Variants in TTI1 observed in about 807,000 individuals in gnomAD.
TTI1 encodes TELO2 interacting protein 1, also known as TELO2-interacting protein 1 homolog.
Under a neutral mutation model 85.4 loss-of-function variants are expected in TTI1, and 52 were observed. The ratio of observed to expected loss-of-function variants is 0.61; its 90% CI spans 0.49 to 0.77. TTI1 has a LOEUF of 0.77. Ranked by LOEUF, TTI1 falls within the 30% of genes least tolerant of loss-of-function variation. The pLI is 0.00. For synonymous variants in TTI1, 512 were observed against 503.9 expected, an observed-to-expected ratio of 1.02 and a Z score of -0.22; for missense variants, 1,173 against 1,296.0, an observed-to-expected ratio of 0.91 and a Z score of 1.46.
At chr20:37,994,198 G>T (rs1047312778) in intron 7 of TTI1, among the ~76,000 whole-genome samples, 23 of 152,110 alleles carry the variant, frequency 1.5e-4, no homozygotes, top group Non-Finnish European at 3.1e-4. Flanking sequence ...CAGTGGTGCG[G>T]TCTTGGCTCA....
intron 1 of TTI1, among the ~76,000 whole-genome samples, chr20:38,014,212 A>G (rs1600641804): frequency 6.6e-6 from 1 of 152,306 alleles, no homozygotes; most frequent in African/African-American, 2.4e-5. Context: ...AACCTTCAGG[A>G]GTTTGGATTT....
At chr20:38,029,989 T>G (rs1225669089) in intron 1 of TTI1, among the ~76,000 whole-genome samples, 2 of 152,156 alleles carry the variant, frequency 1.3e-5, no homozygotes, top group African/African-American at 4.8e-5. Context: ...ACATCCTTTT[T>G]CTTTATAAAT....
rs543071064 is a variant in TTI1 at position 37,987,015 on chromosome 20, T to C, written c.3087-3376A>G. On this transcript the variant is annotated intron_variant, in intron 7 of 7. Transcript: ENST00000373447. ...TGCCTGAGGTGGGGAGCAAATGCCATGCCATGCAACCAGATGGCTGGCAAG... is the reference window on the plus strand; with the variant it reads ...TGCCTGAGGTGGGGAGCAAATGCCACGCCATGCAACCAGATGGCTGGCAAG... 878 of 371,150 alleles carry C rather than the reference T, an allele frequency of 2.4e-3. 15 individuals are homozygous for C. Among genetic ancestry groups the C allele is most frequent in the South Asian group, 0.017 (849 of 50,008 alleles). 23.0% of individuals were successfully genotyped at this position (371,150 alleles called of 1,614,324 possible).
chr20:38,013,990 T>C lies in TTI1; in HGVS notation c.-41-133A>G, dbSNP rs564778459. The C allele has an allele frequency of 4.4e-5, 37 of 835,462 alleles. No individual in the cohort carries two copies. The East Asian group carries it at 9.9e-4, about 22-fold the overall frequency. The allele number at this position is 835,462 out of a possible 1,614,324, so 51.8% of individuals were successfully genotyped here. A position where few individuals can be genotyped will look rare whatever the true frequency, so the allele number is the denominator to read the frequency against. On this transcript the variant is annotated intron_variant, in intron 1 of 7. Transcript: ENST00000373447. The stretch of plus-strand genomic sequence containing the variant: ...ACTGCACAAGGCACTAGGGGTGCAA[T>C]GAAACTGAGCCCCCTGTCTAGTGAG...
At chr20:37,995,203 T>C (rs574576955) in intron 7 of TTI1, among the ~76,000 whole-genome samples, 85 of 152,214 alleles carry the variant, frequency 5.6e-4, no homozygotes, top group African/African-American at 1.9e-3. Context: ...AAACTATGAC[T>C]GATTCTGGGA....
intron 1 of TTI1, among the ~76,000 whole-genome samples, chr20:38,018,846 C>T (rs1281489442): frequency 1.3e-5 from 2 of 150,846 alleles, no homozygotes; most frequent in African/African-American, 2.4e-5. Flanking sequence ...ATAAAAACAA[C>T]ATCTTTCAAT....
At chr20:38,007,148 A>G (rs1198912390) in intron 2 of TTI1, among the ~76,000 whole-genome samples, 1 of 152,288 alleles carries the variant, frequency 6.6e-6, no homozygotes, top group East Asian at 1.9e-4. Context: ...GAAAAAATAC[A>G]CAAGACTGGC....
At position 38,011,859 on chromosome 20, in the gene TTI1, AGGGCTGACAT is replaced by A; in HGVS notation, c.1948_1957del (p.Met650PhefsTer23). On this transcript the variant is annotated frameshift_variant, in exon 2 of 8. Transcript: ENST00000373447. LOFTEE classifies it high-confidence loss of function. ...TCCAGCCTTCTCCAGTACTGGATAA[AGGGCTGACAT>A]CAAGAGCAAACAGAAGTCTTTTCCT... is the stretch of plus-strand genomic sequence containing the variant. 1 of 1,614,224 alleles carries A rather than the reference AGGGCTGACAT, an allele frequency of 6.2e-7. No individual in the cohort carries two copies. The highest frequency in any genetic ancestry group is 8.5e-7 in the Non-Finnish European group (1 of 1,180,044).
intron 1 of TTI1, among the ~76,000 whole-genome samples, chr20:38,020,300 C>T (rs2073743609): frequency 1.4e-5 from 1 of 71,108 alleles, no homozygotes; most frequent in Non-Finnish European, 2.5e-5. Flanking sequence ...TGTCACTTGG[C>T]TACTCATATG....
intron 7 of TTI1, among the ~76,000 whole-genome samples, chr20:37,986,764 G>A (rs954045119): frequency 1.4e-4 from 21 of 152,198 alleles, no homozygotes; most frequent in Admixed American, 1.3e-3. Context: ...GAGAGAGAGA[G>A]GGACACAGAG....
intron 7 of TTI1, among the ~76,000 whole-genome samples, chr20:37,987,939 G>A (rs538531403): frequency 5.3e-5 from 8 of 152,290 alleles, no homozygotes. Context: ...AGCTGGGGGC[G>A]AGGAGGTGGG....
intron 2 of TTI1, among the ~76,000 whole-genome samples, chr20:38,010,747 A>G (rs909100269): frequency 6.6e-6 from 1 of 151,990 alleles, no homozygotes. Context: ...AAGTGCTGGG[A>G]TTACAGGCAT....
At chr20:37,989,583 C>G (rs906653355) in intron 7 of TTI1, among the ~76,000 whole-genome samples, 4 of 152,342 alleles carry the variant, frequency 2.6e-5, no homozygotes, top group Non-Finnish European at 1.5e-5. Context: ...AGGAACCCTG[C>G]AAGCCTAGAT....
rs555863583 is a variant in TTI1, at chr20:38,013,477, C to T, written c.340G>A (p.Ala114Thr). 8 of 1,614,022 alleles carry T rather than the reference C, an allele frequency of 5.0e-6. No homozygotes were observed. In the African/African-American group the frequency reaches 1.1e-4, roughly 22 times the overall value. The change falls in exon 2 of 8, where the codon GCT (alanine) becomes ACT (threonine). Residue 114 changes from alanine to threonine, a missense_variant. By Grantham distance (58) the Ala-to-Thr change is moderately conservative. Coordinates refer to ENST00000373447, the MANE Select transcript of TTI1 (RefSeq NM_001303457.2). Reference sequence around the variant, plus strand: ...GCCAATTTCAACTCCTCGGACACAGCCGCAGGTTTTTGGGAGCTGGGTGAA... The same window carrying T: ...GCCAATTTCAACTCCTCGGACACAGTCGCAGGTTTTTGGGAGCTGGGTGAA... ...LYSPSSQKPA[A>T]VSEELKLAVI... is the part of the protein sequence containing the mutation.
intron 1 of TTI1, among the ~76,000 whole-genome samples, chr20:38,025,664 T>C (rs994651037): frequency 2.0e-5 from 3 of 151,902 alleles, no homozygotes; most frequent in African/African-American, 7.3e-5. Flanking sequence ...ATGAAGACAT[T>C]AAAACAGTAC....
chr20:37,996,702 G>A (rs2073345537), intron 6 of TTI1, 47 bp downstream of exon 6: 6 of 1,565,700 alleles, frequency 3.8e-6, no homozygotes, highest in South Asian at 1.2e-5. Flanking sequence ...GCAGGGGTGA[G>A]ACAGATGCTA....
At position 38,012,638 on chromosome 20, in the gene TTI1, A is replaced by G; in HGVS notation, c.1179T>C (p.Asp393=). 3 of 1,614,234 alleles carry G rather than the reference A, an allele frequency of 1.9e-6. No homozygotes were observed. In the South Asian group the frequency reaches 3.3e-5, roughly 18 times the overall value. The part of the protein sequence containing the change: ...TSLPRLMNSQ[D]DQGKFSTLSL... ...AAAGAGTAGAGAATTTGCCCTGGTC[A>G]TCTTGGGAGTTCATTAGGCGAGGAA... The change falls in exon 2 of 8, where the codon GAT becomes GAC. Residue 393 remains aspartate, a synonymous_variant. Coordinates refer to ENST00000373447, the MANE Select transcript of TTI1 (RefSeq NM_001303457.2).
At chr20:38,015,505 T>C (rs1205118237) in intron 1 of TTI1, among the ~76,000 whole-genome samples, 2 of 152,104 alleles carry the variant, frequency 1.3e-5, no homozygotes, top group African/African-American at 2.4e-5. Flanking sequence ...ATACTGGTAG[T>C]TGGATCAAGA....
intron 1 of TTI1, among the ~76,000 whole-genome samples, chr20:38,032,047 T>C (rs981581309): frequency 1.3e-5 from 2 of 152,226 alleles, no homozygotes; most frequent in African/African-American, 4.8e-5. Context: ...TTTAGGTTAC[T>C]CACCTCTTTT....
Sources: gnomAD v4.1 joint callset for allele counts (sites outside exome capture counted in the v4.1 genomes callset) on GRCh38, gnomAD v4.1.1 for gene constraint, MANE v1.5 for transcripts, NCBI Gene and HGNC (gene_info 2026-07-23, HGNC 2026-07-21) for gene names.